CCDC57: variants seen among roughly 807,000 people sequenced by gnomAD.
CCDC57 encodes the protein coiled-coil domain containing 57.
Under a neutral mutation model 118.9 loss-of-function variants are expected in CCDC57, and 118 were observed. The ratio of observed to expected loss-of-function variants is 0.99; its 90% CI spans 0.86 to 1.16. The LOEUF is 1.16. CCDC57 is among the 50% of genes most tolerant of loss of function. The pLI, the probability that CCDC57 is intolerant of heterozygous loss-of-function variation, is 0.00. For missense variants in CCDC57, 1,300 were observed against 1,320.7 expected (o/e 0.98, Z 0.24); for synonymous variants, 527 against 532.9 (o/e 0.99, Z 0.15).
intron 19 of CCDC57, among the ~76,000 whole-genome samples, chr17:82,115,783 T>G (rs1262828497): frequency 6.8e-6 from 1 of 148,098 alleles, no homozygotes; most frequent in Non-Finnish European, 1.5e-5. Flanking sequence ...TACAAAAAAT[T>G]TATGCAACCT....
chr17:82,133,967 G>C, intron 17 of CCDC57, 106 bp downstream of exon 16: 1 of 1,107,824 alleles, frequency 9.0e-7, no homozygotes, highest in Non-Finnish European at 1.2e-6. Flanking sequence ...CTGAAAATTG[G>C]AGGCTTTTTA....
chr17:82,204,681 G>C (rs1344974371), intron 2 of CCDC57, among the ~76,000 whole-genome samples: 1 of 152,208 alleles, frequency 6.6e-6, no homozygotes, highest in African/African-American at 2.4e-5. Flanking sequence ...TACTTGGGAG[G>C]CTGAGGCAGG....
At chr17:82,146,893 G>A (rs776695626) in intron 16 of CCDC57, among the ~76,000 whole-genome samples, 17 of 152,130 alleles carry the variant, frequency 1.1e-4, no homozygotes, top group Non-Finnish European at 2.4e-4. Flanking sequence ...AAACGTGTGT[G>A]CACACACACA....
intron 13 of CCDC57, among the ~76,000 whole-genome samples, chr17:82,171,200 G>A (rs12051684): frequency 0.33 from 33,159 of 101,244 alleles, 2,258 homozygotes; most frequent in East Asian, 0.59. Flanking sequence ...AAAACAGGGA[G>A]CGCTGACTGC....
chr17:82,145,252 C>T (rs1265007379), intron 16 of CCDC57, among the ~76,000 whole-genome samples: 4 of 141,528 alleles, frequency 2.8e-5, no homozygotes, highest in South Asian at 5.0e-4. Context: ...TGGTCTCAAA[C>T]TCTTGACCTC....
intron 7 of CCDC57, among the ~76,000 whole-genome samples, chr17:82,190,787 C>T (rs984843115): frequency 1.6e-4 from 24 of 150,770 alleles, no homozygotes; most frequent in Non-Finnish European, 2.9e-4. Context: ...GTGTTGACGT[C>T]GTCTGCTTGC....
chr17:82,135,895 T>C (rs778701289), intron 16 of CCDC57, among the ~76,000 whole-genome samples: 2 of 152,154 alleles, frequency 1.3e-5, no homozygotes, highest in Non-Finnish European at 2.9e-5. Context: ...CCCACCTCTA[T>C]TTTTAAAAGA....
At chr17:82,148,409 A>G (rs1350751121) in intron 16 of CCDC57, among the ~76,000 whole-genome samples, 8 of 9,626 alleles carry the variant, frequency 8.3e-4, no homozygotes, top group Non-Finnish European at 1.1e-3. Flanking sequence ...GGGTGGATGG[A>G]TGGATGGATA....
intron 18 of CCDC57, 100 bp downstream of exon 17, chr17:82,128,393 G>C: frequency 1.3e-6 from 1 of 748,974 alleles, no homozygotes; most frequent in South Asian, 1.7e-5. Flanking sequence ...CAGGCATGCA[G>C]AGCGAAGGCC....
chr17:82,120,219 G>A (rs9897355), intron 19 of CCDC57, among the ~76,000 whole-genome samples: 79,385 of 150,874 alleles, frequency 0.53, 21,663 homozygotes, highest in Non-Finnish European at 0.58. Context: ...TTGAACTCCT[G>A]GGCTCAAGTG....
chr17:82,141,478 G>A (rs1055032373), intron 16 of CCDC57, among the ~76,000 whole-genome samples: 3 of 152,108 alleles, frequency 2.0e-5, no homozygotes, highest in East Asian at 1.9e-4. Context: ...GAGCCACCGC[G>A]ACTGCCCTAA....
intron 19 of CCDC57, chr17:82,107,471 G>A (rs767339075): frequency 2.3e-5 from 11 of 470,280 alleles, no homozygotes; most frequent in South Asian, 1.5e-4. Flanking sequence ...CACGGCACAC[G>A]GGGCGAGGTT....
At chr17:82,195,276 G>A (rs1366661071) in exon 5 of CCDC57, 15 of 1,595,262 alleles carry the variant, frequency 9.4e-6, no homozygotes, top group Admixed American at 8.7e-5. Context: ...AAGCTCCCGG[G>A]ACAAGGCTGT....
intron 15 of CCDC57, among the ~76,000 whole-genome samples, chr17:82,152,975 G>T (rs138820980): frequency 2.4e-3 from 359 of 152,346 alleles, no homozygotes; most frequent in Non-Finnish European, 4.3e-3. Flanking sequence ...TGGTGCCGCA[G>T]GCCCCAGCTG....
intron 7 of CCDC57, among the ~76,000 whole-genome samples, chr17:82,193,373 CCT>C (rs1347913661): frequency 6.6e-6 from 1 of 151,936 alleles, no homozygotes; most frequent in Non-Finnish European, 1.5e-5. Context: ...ATGGTGAGAC[CCT>C]GTCTCTACTA....
chr17:82,139,211 C>T (rs890389568), intron 16 of CCDC57, among the ~76,000 whole-genome samples: 2 of 152,214 alleles, frequency 1.3e-5, no homozygotes, highest in Non-Finnish European at 2.9e-5. Context: ...CTTTTTTGGA[C>T]TCTGTTTCCA....
At chr17:82,165,293 A>G (rs1236788253) in intron 13 of CCDC57, among the ~76,000 whole-genome samples, 2 of 152,190 alleles carry the variant, frequency 1.3e-5, no homozygotes, top group Non-Finnish European at 2.9e-5. Context: ...GTCCACCCGC[A>G]TTTTGCCTGC....
chr17:82,158,220 C>T (rs1036031495), intron 14 of CCDC57, among the ~76,000 whole-genome samples: 1 of 152,230 alleles, frequency 6.6e-6, no homozygotes, highest in African/African-American at 2.4e-5. Context: ...TGGACTGAGG[C>T]AGAGCGCCTC....
At chr17:82,191,108 T>A in intron 7 of CCDC57, among the ~76,000 whole-genome samples, 1 of 137,168 alleles carries the variant, frequency 7.3e-6, no homozygotes, top group Non-Finnish European at 1.5e-5. Context: ...GGCAAAAAAA[T>A]AAAAATAAAA....
Sources: gnomAD v4.1 joint callset for allele counts (sites outside exome capture counted in the v4.1 genomes callset) on GRCh38, gnomAD v4.1.1 for gene constraint, MANE v1.5 for transcripts, NCBI Gene and HGNC (gene_info 2026-07-23, HGNC 2026-07-21) for gene names.